The following PRSS56 variants were observed in gnomAD, a reference collection of about 807,000 sequenced individuals.
PRSS56 encodes the protein serine protease 56, also known as protease, serine 56.
A neutral mutation model predicts 66.8 loss-of-function variants in PRSS56; 55 were observed. The ratio of observed to expected loss-of-function variants is 0.82; its 90% CI spans 0.66 to 1.03. The LOEUF is 1.03. PRSS56 is among the 50% of genes least tolerant of loss of function. PRSS56 has a pLI of 0.00. For missense variants in PRSS56, 869 were observed against 837.2 expected (o/e 1.04, Z -0.47); for synonymous variants, 409 against 387.9 (o/e 1.05, Z -0.64).
Position 232,522,749 on chromosome 2 carries a change from G to A in PRSS56, c.594G>A (p.Trp198Ter). ...FHNDLALVQL[W>*]TPVSPGGSAR... ...ACGACCTGGCCCTGGTGCAGCTGTGGACGCCGGTGAGCCCGGGGGGATCGG... is the reference window on the plus strand; with the variant it reads ...ACGACCTGGCCCTGGTGCAGCTGTGAACGCCGGTGAGCCCGGGGGGATCGG... Residue 198 changes from tryptophan to a stop codon, truncating the protein, a stop_gained, in exon 6 of 13, where the codon TGG (tryptophan) becomes TGA (stop). Coordinates refer to ENST00000617714, the MANE Select transcript of PRSS56 (RefSeq NM_001195129.2). LOFTEE classifies it high-confidence loss of function. 1 of 1,532,788 alleles carries A rather than the reference G, an allele frequency of 6.5e-7. No homozygotes were observed. Among genetic ancestry groups the A allele is most frequent in the Non-Finnish European group, 8.7e-7 (1 of 1,144,836 alleles). The allele number at this position is 1,532,788 out of a possible 1,614,324, so 94.9% of individuals were successfully genotyped here.
chr2:232,525,172 GGAGT>G, intron 12 of PRSS56, 40 bp from the exon 13 acceptor site: 7 of 1,431,780 alleles, frequency 4.9e-6, no homozygotes, highest in Non-Finnish European at 6.4e-6. Context: ...TTTCAACTCA[GGAGT>G]GAGTTTCTGG....
At position 232,520,396 on chromosome 2, in the gene PRSS56, AG is replaced by A; in HGVS notation, c.-201del. 1.6e-6 allele frequency: 1 copy of A among 614,606 alleles called. No homozygotes were observed. 38.1% of individuals were successfully genotyped at this position (614,606 alleles called of 1,614,324 possible). A position where few individuals can be genotyped will look rare whatever the true frequency, so the allele number is the denominator to read the frequency against. ...CAGCCCCATTCCCCTGTGGGCTCCT[AG>A]GAGTTAAGGGCCAGGTGAGGGCTGA... is the stretch of plus-strand genomic sequence containing the variant. On this transcript the variant is annotated 5_prime_UTR_variant, in exon 1 of 13. Transcript: ENST00000617714.
intron 8 of PRSS56, 81 bp downstream of exon 8, chr2:232,523,659 G>T: frequency 6.6e-7 from 1 of 1,512,136 alleles, no homozygotes; most frequent in African/African-American, 1.4e-5. Context: ...CCCGGCCCAT[G>T]CCCATTCCCA....
intron 7 of PRSS56, 49 bp from the exon 8 acceptor site, chr2:232,523,367 G>A (rs1001944020): frequency 2.6e-5 from 37 of 1,427,920 alleles, no homozygotes; most frequent in Non-Finnish European, 1.8e-6. Flanking sequence ...CGTAAGGCAG[G>A]CGTCATAGGG....
At position 232,523,851 on chromosome 2, in the gene PRSS56, G is replaced by T. The variant is rs1166912282; in HGVS notation, c.1092G>T (p.Arg364=). 6.5e-7 allele frequency: 1 copy of T among 1,533,026 alleles called. No homozygotes were observed. The highest frequency in any genetic ancestry group is 2.0e-5 in the Admixed American group (1 of 50,932). 95.0% of individuals were successfully genotyped at this position (1,533,026 alleles called of 1,614,324 possible). The change falls in exon 9 of 13, where the codon CGG becomes CGT. Residue 364 remains arginine, a synonymous_variant. Transcript: ENST00000617714. ...PPQELQADAA[R]LCAFYARLCP... ...AGGAGCTGCAGGCAGACGCCGCCCGGCTCTGCGCCTTCTATGCCCGCCTGT... is the reference window on the plus strand; with the variant it reads ...AGGAGCTGCAGGCAGACGCCGCCCGTCTCTGCGCCTTCTATGCCCGCCTGT...
rs1691407149 is a variant in PRSS56 at position 232,525,442 on chromosome 2, C to G, written c.1748C>G (p.Pro583Arg). ...CCCTGGATGGATGTAGGGCAGGGGCCCGGGCTGGAGAGGAAGGGGCACCAC... is the reference window on the plus strand; with the variant it reads ...CCCTGGATGGATGTAGGGCAGGGGCGCGGGCTGGAGAGGAAGGGGCACCAC... ...EGPWMDVGQG[P>R]GLERKGHHPL... Residue 583 changes from proline to arginine, a missense_variant, in exon 13 of 13, where the codon CCC becomes CGC. This residue lies in a region of PRSS56 where 551 missense variants were observed against 506.9 expected (regional missense o/e 1.09). Coordinates refer to ENST00000617714, the MANE Select transcript of PRSS56 (RefSeq NM_001195129.2). The G allele has an allele frequency of 6.5e-7, 1 of 1,530,130 alleles. No individual in the cohort carries two copies. The highest frequency in any genetic ancestry group is 8.7e-7 in the Non-Finnish European group (1 of 1,143,480). The allele number at this position is 1,530,130 out of a possible 1,614,324, so 94.8% of individuals were successfully genotyped here.
Position 232,522,556 on chromosome 2 carries a change from G to T in PRSS56, c.488G>T (p.Gly163Val). ...ELLWTVTLAE[G>V]SRGEQAEEVP... Reference sequence around the variant, plus strand: ...CTGTGGACTGTGACGCTGGCAGAGGGGTCCCGGGGGGAGCAAGCGGAGGAG... The same window carrying T: ...CTGTGGACTGTGACGCTGGCAGAGGTGTCCCGGGGGGAGCAAGCGGAGGAG... The change falls in exon 5 of 13, where the codon GGG becomes GTG. Residue 163 changes from glycine to valine, a missense_variant. By Grantham distance (109) the Gly-to-Val change is moderately radical. Transcript: ENST00000617714. 6.5e-7 allele frequency: 1 copy of T among 1,535,202 alleles called. No individual in the cohort carries two copies. The highest frequency in any genetic ancestry group is 2.4e-5 in the East Asian group (1 of 40,892).
At chr2:232,525,143 GA>G (rs1691395206) in intron 12 of PRSS56, 72 bp from the exon 13 acceptor site, 1 of 1,377,978 alleles carries the variant, frequency 7.3e-7, no homozygotes, top group Non-Finnish European at 9.5e-7. Context: ...CCCAGGGGGA[GA>G]GGGGGTGACC....
chr2:232,521,824 C>A lies in PRSS56; in HGVS notation c.214C>A (p.Arg72Ser). Reference sequence around the variant, plus strand: ...GGTCTGTTTCTCTGCAGGATCTGGGCGCCCCAGGCCTCAAGCTCTCCTCCA... The same window carrying A: ...GGTCTGTTTCTCTGCAGGATCTGGGAGCCCCAGGCCTCAAGCTCTCCTCCA... ...HRSHECRGSG[R>S]PRPQALLQDP... The change falls in exon 3 of 13, where the codon CGC (arginine) becomes AGC (serine). Residue 72 changes from arginine to serine, a missense_variant. Arg to Ser is a moderately radical substitution (Grantham distance 110). Transcript: ENST00000617714. The A allele has an allele frequency of 6.5e-7, 1 of 1,536,008 alleles. No homozygotes were observed. Among genetic ancestry groups the A allele is most frequent in the South Asian group, 1.2e-5 (1 of 84,058 alleles).
chr2:232,523,705 G>A (rs1219035221), intron 8 of PRSS56, 67 bp from the exon 9 acceptor site: 3 of 1,525,336 alleles, frequency 2.0e-6, no homozygotes, highest in Non-Finnish European at 2.6e-6. Flanking sequence ...GTCTCCTTCC[G>A]GGGAAGGAGT....
At position 232,524,719 on chromosome 2, in the gene PRSS56, G is replaced by A. The variant is rs1450778137; in HGVS notation, c.1415-19G>A. 1 of 1,496,442 alleles carries A rather than the reference G, an allele frequency of 6.7e-7. No homozygotes were observed. Among genetic ancestry groups the A allele is most frequent in the African/African-American group, 1.4e-5 (1 of 72,118 alleles). The allele number at this position is 1,496,442 out of a possible 1,614,324, so 92.7% of individuals were successfully genotyped here. A position where few individuals can be genotyped will look rare whatever the true frequency, so the allele number is the denominator to read the frequency against. ...ACCGCAACCGTTCATTATTCCCGGG[G>A]CCTCTCCTCTTCCTCCAGGCTGCCC... is the stretch of plus-strand genomic sequence containing the variant. On this transcript the variant is annotated intron_variant, in intron 11 of 12. Transcript: ENST00000617714.
chr2:232,521,563 G>A (rs1003362757), intron 2 of PRSS56, 135 bp downstream of exon 2: 2 of 809,050 alleles, frequency 2.5e-6, no homozygotes, highest in Non-Finnish European at 4.0e-6. Context: ...CCTAGACTAC[G>A]TTTGTGAAGG....
Position 232,521,415 on chromosome 2 carries a change from G to A in PRSS56, c.192G>A (p.Ser64=), listed in dbSNP as rs1330182243. 8 of 1,535,884 alleles carry A rather than the reference G, an allele frequency of 5.2e-6. No individual in the cohort carries two copies. Among genetic ancestry groups the A allele is most frequent in the African/African-American group, 1.4e-5 (1 of 73,032 alleles). Residue 64 remains serine, a synonymous_variant, in exon 2 of 13, where the codon TCG becomes TCA. Transcript: ENST00000617714. ...TGGCGATGGAGATCCAGCACAGATC[G>A]CACGAGTGCCGAGGTGCCCACCCTG... ...NRVAMEIQHR[S]HECRGSGRPR...
At position 232,522,763 on chromosome 2, in the gene PRSS56, C is replaced by G. The variant is rs551203409; in HGVS notation, c.608C>G (p.Pro203Arg). The change falls in exon 6 of 13, where the codon CCG (proline) becomes CGG (arginine). Residue 203 changes from proline to arginine, a missense_variant. Transcript: ENST00000617714. Reference protein sequence around the residue: ...ALVQLWTPVSPGGSARPVCLP... With the variant: ...ALVQLWTPVSRGGSARPVCLP... ...GTGCAGCTGTGGACGCCGGTGAGCCCGGGGGGATCGGCGCGCCCCGTGTGC... is the reference window on the plus strand; with the variant it reads ...GTGCAGCTGTGGACGCCGGTGAGCCGGGGGGGATCGGCGCGCCCCGTGTGC... The G allele has an allele frequency of 1.3e-6, 2 of 1,527,964 alleles. No individual in the cohort carries two copies. The highest frequency in any genetic ancestry group is 4.9e-5 in the East Asian group (2 of 40,620). The allele number at this position is 1,527,964 out of a possible 1,614,324, so 94.7% of individuals were successfully genotyped here.
chr2:232,522,882 G>A (rs1298848729), intron 6 of PRSS56, 21 bp downstream of exon 6: 2 of 1,448,110 alleles, frequency 1.4e-6, no homozygotes, highest in East Asian at 2.5e-5. Context: ...TGGGTGAGCC[G>A]GCGCGTGGTG....
intron 10 of PRSS56, 45 bp from the exon 11 acceptor site, chr2:232,524,262 C>G (rs1281980268): frequency 6.5e-7 from 1 of 1,535,090 alleles, no homozygotes; most frequent in South Asian, 1.2e-5. Flanking sequence ...CGCGGCACAG[C>G]CACTTTCTCC....
intron 1 of PRSS56, among the ~76,000 whole-genome samples, chr2:232,521,027 G>A (rs1691264972): frequency 5.3e-5 from 8 of 152,230 alleles, no homozygotes; most frequent in Admixed American, 3.9e-4. Flanking sequence ...AGTCAATAAA[G>A]CTGAGTTCTG....
At position 232,524,176 on chromosome 2, in the gene PRSS56, C is replaced by T. The variant is rs1225644543; in HGVS notation, c.1324C>T (p.Pro442Ser). 6.5e-7 allele frequency: 1 copy of T among 1,528,736 alleles called. No individual in the cohort carries two copies. Among genetic ancestry groups the T allele is most frequent in the Non-Finnish European group, 8.7e-7 (1 of 1,143,048 alleles). 94.7% of individuals were successfully genotyped at this position (1,528,736 alleles called of 1,614,324 possible). Residue 442 changes from proline (P) to serine (S), a missense_variant, in exon 10 of 13, where the codon CCC becomes TCC. Pro to Ser is a moderately conservative substitution (Grantham distance 74). This residue lies in a region of PRSS56 where 551 missense variants were observed against 506.9 expected (regional missense o/e 1.09). Transcript: ENST00000617714. ...APALRESPLH[P>S]ARELRLHSGS... ...AGCGCTCAGGGAGTCTCCTCTGCAC[C>T]CCGCCCGGGAGCTGCGGCTTCACTC...
chr2:232,524,896 C>A (rs1691385607), intron 12 of PRSS56, 52 bp downstream of exon 12: 7 of 1,400,624 alleles, frequency 5.0e-6, no homozygotes, highest in Non-Finnish European at 5.9e-6. Flanking sequence ...AAGGCTGAGA[C>A]CCAGCCCAGG....
Sources: gnomAD v4.1 joint callset for allele counts (sites outside exome capture counted in the v4.1 genomes callset) on GRCh38, gnomAD v4.1.1 for gene constraint, gnomAD v4.1.1 regional missense constraint, MANE v1.5 for transcripts, NCBI Gene and HGNC (gene_info 2026-07-23, HGNC 2026-07-21) for gene names.